Variants in NF1 observed in about 807,000 individuals in gnomAD.
NF1 encodes the protein neurofibromin.
Under a neutral mutation model 325.7 loss-of-function variants are expected in NF1, and 122 were observed. The observed-to-expected ratio is 0.37, with a 90% CI of 0.32 to 0.44. NF1 has a LOEUF of 0.44. Ranked by LOEUF, NF1 falls within the 20% of genes least tolerant of loss-of-function variation. NF1 has a pLI of 1.00. For synonymous variants in NF1, 1,091 were observed against 1,186.0 expected (o/e 0.92, Z 1.65); for missense variants, 2,140 against 3,415.4 (o/e 0.63, Z 9.31).
intron 12 of NF1, among the ~76,000 whole-genome samples, chr17:31,208,494 A>C (rs980691861): frequency 3.3e-5 from 5 of 152,218 alleles, no homozygotes; most frequent in Non-Finnish European, 5.9e-5. Context: ...TGCCAGGCAA[A>C]GGTGCTAATG....
At chr17:31,354,395 C>T (rs1420492448) in intron 51 of NF1, among the ~76,000 whole-genome samples, 1 of 151,956 alleles carries the variant, frequency 6.6e-6, no homozygotes, top group Non-Finnish European at 1.5e-5. Flanking sequence ...AGGAAAGCAA[C>T]TGATGATACA....
intron 57 of NF1, chr17:31,361,168 A>AAGTGAGGTAC: frequency 6.2e-6 from 1 of 161,436 alleles, no homozygotes; most frequent in Non-Finnish European, 1.4e-5. Flanking sequence ...GCCAGCAATA[A>AAGTGAGGTAC]CTCAACCATC....
At chr17:31,317,582 A>T (rs2151525262) in intron 36 of NF1, 1 of 152,224 alleles carries the variant, frequency 6.6e-6, no homozygotes, top group African/African-American at 2.4e-5. Flanking sequence ...TATAAATCTT[A>T]TTTATTTTAG....
chr17:31,110,607 C>CT (rs1438676585), intron 1 of NF1, among the ~76,000 whole-genome samples: 2 of 151,934 alleles, frequency 1.3e-5, no homozygotes, highest in East Asian at 3.9e-4. Flanking sequence ...TGGAAAAATT[C>CT]AAGAGAAAAA....
chr17:31,178,770 G>A (rs1045304939), intron 5 of NF1, among the ~76,000 whole-genome samples: 6 of 152,038 alleles, frequency 3.9e-5, no homozygotes, highest in Non-Finnish European at 7.4e-5. Flanking sequence ...GTCAAAGAAG[G>A]GTATTACATA....
At chr17:31,130,070 C>T (rs572435496) in intron 1 of NF1, among the ~76,000 whole-genome samples, 40 of 144,562 alleles carry the variant, frequency 2.8e-4, no homozygotes, top group Non-Finnish European at 4.3e-4. Context: ...TCTTTGAAGT[C>T]GCTGTTTTTT....
chr17:31,346,993 C>G (rs28713180), intron 48 of NF1, among the ~76,000 whole-genome samples: 3 of 151,208 alleles, frequency 2.0e-5, no homozygotes, highest in Admixed American at 2.0e-4. Context: ...TGGTCTGACT[C>G]TATGGATTGA....
intron 57 of NF1, among the ~76,000 whole-genome samples, chr17:31,361,870 A>G (rs2070409148): frequency 6.6e-6 from 1 of 152,250 alleles, no homozygotes; most frequent in South Asian, 2.1e-4. Flanking sequence ...GCTTAACAAC[A>G]AAGCTTTGGT....
At chr17:31,225,302 TC>T in intron 17 of NF1, 52 bp downstream of exon 17, 1 of 1,598,128 alleles carries the variant, frequency 6.3e-7, no homozygotes, top group South Asian at 1.1e-5. Context: ...CTGTTTGTTT[TC>T]TGAATGAAAT....
At chr17:31,110,260 A>G (rs2143289537) in intron 1 of NF1, among the ~76,000 whole-genome samples, 1 of 152,332 alleles carries the variant, frequency 6.6e-6, no homozygotes, top group Non-Finnish European at 1.5e-5. Context: ...ACTAAAAAAA[A>G]TATTGGAGAG....
intron 13 of NF1, 101 bp downstream of exon 13, chr17:31,214,686 C>G: frequency 9.3e-7 from 1 of 1,074,038 alleles, no homozygotes; most frequent in Non-Finnish European, 1.4e-6. Flanking sequence ...CTCAAGAGCA[C>G]TTACTGATCC....
At chr17:31,153,797 A>T (rs1917116928) in intron 1 of NF1, among the ~76,000 whole-genome samples, 1 of 150,096 alleles carries the variant, frequency 6.7e-6, no homozygotes, top group Non-Finnish European at 1.5e-5. Context: ...TTTTTAAAGT[A>T]AAGATGAGGT....
intron 48 of NF1, 89 bp from the exon 49 acceptor site, chr17:31,349,031 T>C (rs977426975): frequency 9.5e-6 from 14 of 1,480,812 alleles, no homozygotes; most frequent in Admixed American, 4.0e-5. Context: ...CCTTGCAGAG[T>C]TGTTAGTCAG....
rs543878199 is a variant in NF1, at chr17:31,354,317, C to A, written c.7615+1903C>A. Among the ~76,000 whole-genome samples the A allele has an allele frequency of 2.6e-5, 4 of 152,066 alleles. No homozygotes were observed. The East Asian group carries it at 7.7e-4, about 29-fold the overall frequency. ...GTCATAAAGATTTAATATATGCTTG[C>A]AAAATAGCAGGATAAGTAGGGGCAT... On this transcript the variant is annotated intron_variant, in intron 51 of 57. Coordinates refer to ENST00000358273, the MANE Select transcript of NF1 (RefSeq NM_001042492.3).
rs1555533844 is a variant in NF1 at position 31,330,317 on chromosome 17, G to A, written c.5631G>A (p.Leu1877=). 2 of 1,614,000 alleles carry A rather than the reference G, an allele frequency of 1.2e-6. No individual in the cohort carries two copies. The highest frequency in any genetic ancestry group is 1.7e-6 in the Non-Finnish European group (2 of 1,179,938). The change falls in exon 39 of 58, where the codon CTG becomes CTA. Residue 1877 remains leucine, a synonymous_variant. Coordinates refer to ENST00000358273, the MANE Select transcript of NF1 (RefSeq NM_001042492.3). ...CTAGGTCAGCTGCCTATAATCTTCT[G>A]TGTGCCTTAACTTGTACCTTTAATT... The part of the protein sequence containing the change: ...PSLRSAAYNL[L]CALTCTFNLK...
At chr17:31,198,097 A>G (rs1282194159) in intron 8 of NF1, among the ~76,000 whole-genome samples, 2 of 152,144 alleles carry the variant, frequency 1.3e-5, no homozygotes, top group East Asian at 1.9e-4. Context: ...GTGGTATATT[A>G]CATTGATTTT....
chr17:31,095,262 G>A lies in NF1; in HGVS notation c.-48G>A, dbSNP rs2143143065. 1 of 1,523,072 alleles carries A rather than the reference G, an allele frequency of 6.6e-7. No homozygotes were observed. Among genetic ancestry groups the A allele is most frequent in the South Asian group, 1.2e-5 (1 of 83,634 alleles). 94.3% of individuals were successfully genotyped at this position (1,523,072 alleles called of 1,614,324 possible). On this transcript the variant is annotated 5_prime_UTR_variant, in exon 1 of 58. Transcript: ENST00000358273. ...GCTCCCCGCCCTCTTCCCGGCCCAG[G>A]GCGCCGGCCCACCCTTCCCTCCGCC...
At chr17:31,321,560 T>G (rs1185871071) in intron 36 of NF1, 1 of 152,198 alleles carries the variant, frequency 6.6e-6, no homozygotes, top group East Asian at 1.9e-4. Flanking sequence ...TTTTCTTGTC[T>G]TCTTTTTAAA....
At chr17:31,121,523 C>A (rs1204867266) in intron 1 of NF1, among the ~76,000 whole-genome samples, 2 of 151,566 alleles carry the variant, frequency 1.3e-5, no homozygotes, top group African/African-American at 4.9e-5. Context: ...GTCTCAGCCT[C>A]CCGAGTAGCT....
Sources: gnomAD v4.1 joint callset for allele counts (sites outside exome capture counted in the v4.1 genomes callset) on GRCh38, gnomAD v4.1.1 for gene constraint, MANE v1.5 for transcripts, NCBI Gene and HGNC (gene_info 2026-07-23, HGNC 2026-07-21) for gene names.